The following CDH23 variants were observed in gnomAD, a reference collection of about 807,000 sequenced individuals.
CDH23 encodes the protein cadherin-23.
CDH23 carries 189 observed loss-of-function variants against 317.1 expected under a neutral mutation model. The ratio of observed to expected loss-of-function variants is 0.60; its 90% CI spans 0.53 to 0.67. The LOEUF is 0.67. Ranked by LOEUF, CDH23 falls within the 30% of genes least tolerant of loss-of-function variation. The pLI, the probability that CDH23 is intolerant of heterozygous loss-of-function variation, is 0.00. For synonymous variants in CDH23, 1,839 were observed against 1,876.8 expected, an observed-to-expected ratio of 0.98 and a Z score of 0.52; for missense variants, 4,401 against 4,592.4, an observed-to-expected ratio of 0.96 and a Z score of 1.20.
In CDH23 at chr10:71,777,765, A is replaced by T; in HGVS notation, c.4931A>T (p.Asp1644Val). Residue 1644 changes from aspartate to valine, a missense_variant, in exon 39 of 70, where the codon GAT (aspartate) becomes GTT (valine). Around this residue, in one of 3 missense-constraint regions of CDH23, gnomAD observed 3,068 missense variants for 3,203.3 expected, o/e 0.96. Coordinates refer to ENST00000224721, the MANE Select transcript of CDH23 (RefSeq NM_022124.6). ...FQQPHYEVLL[D>V]EGPDTLNTSL... ...CAGCCCCACTATGAGGTGCTGCTGG[A>T]TGAGGGCCCAGACACGCTCAACACC... The T allele has an allele frequency of 4.3e-6, 7 of 1,613,806 alleles. No individual in the cohort carries two copies. Among genetic ancestry groups the T allele is most frequent in the Non-Finnish European group, 5.9e-6 (7 of 1,179,844 alleles).
intron 14 of CDH23, among the ~76,000 whole-genome samples, chr10:71,663,926 A>G (rs1000012790): frequency 6.6e-6 from 1 of 151,736 alleles, no homozygotes; most frequent in Admixed American, 6.6e-5. Flanking sequence ...GCTTGAACCC[A>G]GGAGGCGGAG....
intron 38 of CDH23, chr10:71,750,942 C>T: frequency 3.1e-6 from 1 of 321,478 alleles, no homozygotes; most frequent in Non-Finnish European, 5.7e-6. Context: ...ACGAGAGCTG[C>T]TGAAGGGCTG....
At chr10:71,542,904 G>A (rs1485416373) in intron 6 of CDH23, among the ~76,000 whole-genome samples, 1 of 152,254 alleles carries the variant, frequency 6.6e-6, no homozygotes, top group East Asian at 1.9e-4. Flanking sequence ...CGTGCAGGGG[G>A]CTTCTGTGAG....
chr10:71,790,436 C>T (rs2132948254), intron 46 of CDH23, 23 bp downstream of exon 46: 1 of 1,608,896 alleles, frequency 6.2e-7, no homozygotes. Flanking sequence ...TGCCACCCAG[C>T]ACTCCCAGCC....
At chr10:71,677,422 T>A in intron 15 of CDH23, 34 bp from the exon 16 acceptor site, 1 of 1,542,556 alleles carries the variant, frequency 6.5e-7, no homozygotes, top group East Asian at 2.4e-5. Context: ...TAAACCACGG[T>A]GTTCCTTCTC....
chr10:71,778,330 C>T, intron 40 of CDH23, 22 bp downstream of exon 40: 3 of 1,613,466 alleles, frequency 1.9e-6, no homozygotes, highest in Non-Finnish European at 2.5e-6. Flanking sequence ...GGACACAGCC[C>T]CAACTTGGGC....
At chr10:71,427,249 A>AAGAAAGAAAGAGAG (rs1849144348) in intron 1 of CDH23, among the ~76,000 whole-genome samples, 1 of 136,166 alleles carries the variant, frequency 7.3e-6, no homozygotes, top group African/African-American at 2.9e-5. Flanking sequence ...AAGAAAGGGA[A>AAGAAAGAAAGAGAG]AGAAAGAAAG....
Position 71,777,803 on chromosome 10 carries a change from A to C in CDH23, c.4969A>C (p.Ile1657Leu). 1 of 1,613,902 alleles carries C rather than the reference A, an allele frequency of 6.2e-7. No individual in the cohort carries two copies. The highest frequency in any genetic ancestry group is 8.5e-7 in the Non-Finnish European group (1 of 1,179,860). ...CACGCTCAACACCAGCCTCATCACC[A>C]TCCAGGCACTGGACCTGGATGAGGG... ...PDTLNTSLIT[I>L]QALDLDEGPN... is the part of the protein sequence containing the mutation. The change falls in exon 39 of 70, where the codon ATC becomes CTC. Residue 1657 changes from isoleucine to leucine, a missense_variant. Physicochemically the swap from Ile to Leu is conservative, Grantham distance 5 (BLOSUM62 2). Coordinates refer to ENST00000224721, the MANE Select transcript of CDH23 (RefSeq NM_022124.6).
intron 14 of CDH23, among the ~76,000 whole-genome samples, chr10:71,665,594 G>C (rs1863854251): frequency 6.6e-6 from 1 of 152,236 alleles, no homozygotes; most frequent in South Asian, 2.1e-4. Flanking sequence ...GACTGTCTGA[G>C]AGGCAGGAGC....
intron 11 of CDH23, among the ~76,000 whole-genome samples, chr10:71,632,158 A>G (rs933524269): frequency 1.3e-5 from 2 of 152,228 alleles, no homozygotes; most frequent in Non-Finnish European, 2.9e-5. Context: ...ACTATAAATT[A>G]TGGAATACCC....
chr10:71,549,051 G>A (rs962471042), intron 6 of CDH23, among the ~76,000 whole-genome samples: 4 of 152,258 alleles, frequency 2.6e-5, no homozygotes, highest in East Asian at 1.9e-4. Context: ...GAGGCAGAGC[G>A]TAAGCAGGGG....
chr10:71,760,241 ATATATGTATGTATATATATG>A (rs1840332343), intron 38 of CDH23, among the ~76,000 whole-genome samples: 1 of 29,462 alleles, frequency 3.4e-5, no homozygotes, highest in African/African-American at 9.6e-5. Context: ...GTATATACAT[ATATATGTATGTATATATATG>A]TATATACATA....
rs953993263 is a variant in CDH23 at position 71,398,000 on chromosome 10, C to T, written c.-6+682C>T. The stretch of plus-strand genomic sequence containing the variant: ...TCCGCTACGAGCGGTGCTGGCTGCC[C>T]CCAGGAGCTGGCACCCGGGAGCACT... On this transcript the variant is annotated intron_variant, in intron 1 of 69. Transcript: ENST00000224721. This position sits in a 1 kb window ranked among gnomAD's most constrained non-coding sequence, Gnocchi z 4.8. 2.6e-5 allele frequency among the ~76,000 whole-genome samples: 4 copies of T among 152,230 alleles called. No individual in the cohort carries two copies. The highest frequency in any genetic ancestry group is 9.6e-5 in the African/African-American group (4 of 41,476).
At chr10:71,543,093 GCA>G (rs1369534586) in intron 6 of CDH23, among the ~76,000 whole-genome samples, 1 of 152,250 alleles carries the variant, frequency 6.6e-6, no homozygotes, top group East Asian at 1.9e-4. Context: ...CAGCCCGAAT[GCA>G]CAGACTTATG....
At chr10:71,479,138 CT>C (rs971672134) in intron 3 of CDH23, among the ~76,000 whole-genome samples, 6 of 151,962 alleles carry the variant, frequency 3.9e-5, no homozygotes, top group African/African-American at 1.5e-4. Flanking sequence ...GTTAAGTGCC[CT>C]GACCGGGCTC....
At chr10:71,713,372 G>A (rs772109311) in intron 28 of CDH23, 24 of 737,708 alleles carry the variant, frequency 3.3e-5, no homozygotes, top group Non-Finnish European at 5.3e-5. Context: ...GTTGCTGGGT[G>A]GGGAGGGAGG....
In CDH23 at chr10:71,676,783, C is replaced by G. The variant is rs112699322; in HGVS notation, c.1515-673C>G. 9.7e-3 allele frequency among the ~76,000 whole-genome samples: 1,478 copies of G among 152,312 alleles called. 30 individuals are homozygous for G. Among genetic ancestry groups the G allele is most frequent in the African/African-American group, 0.034 (1,418 of 41,558 alleles). ...GTTCACGTGGCCTTATCCTGGTCATCTTGGATGGTCTCACCTCTTCCCATC... is the reference window on the plus strand; with the variant it reads ...GTTCACGTGGCCTTATCCTGGTCATGTTGGATGGTCTCACCTCTTCCCATC... On this transcript the variant is annotated intron_variant, in intron 15 of 69. Transcript: ENST00000224721.
chr10:71,503,464 G>A (rs1853456270), intron 3 of CDH23, among the ~76,000 whole-genome samples: 1 of 152,208 alleles, frequency 6.6e-6, no homozygotes, highest in African/African-American at 2.4e-5. Flanking sequence ...TTGGGGGGCT[G>A]TCTTTTCCTA....
chr10:71,731,870 G>GGGGCAGCCCATGCTGGGT, intron 31 of CDH23, 117 bp from the exon 32 acceptor site: 1 of 1,027,168 alleles, frequency 9.7e-7, no homozygotes, highest in East Asian at 2.6e-5. Context: ...CGGCAGAGGT[G>GGGGCAGCCCATGCTGGGT]GGGCAGCCCA....
Sources: gnomAD v4.1 joint callset for allele counts (sites outside exome capture counted in the v4.1 genomes callset) on GRCh38, gnomAD v4.1.1 for gene constraint, gnomAD v4.1.1 regional missense constraint, Gnocchi (gnomAD v3.1) non-coding constraint, MANE v1.5 for transcripts, NCBI Gene and HGNC (gene_info 2026-07-23, HGNC 2026-07-21) for gene names.